WARS2: variants seen among roughly 807,000 people sequenced by gnomAD.
WARS2 encodes the protein tryptophanyl tRNA synthetase 2, mitochondrial.
WARS2 carries 28 observed loss-of-function variants against 36.5 expected under a neutral mutation model. The observed-to-expected ratio is 0.77, with a 90% CI of 0.57 to 1.05. WARS2 has a LOEUF of 1.05. WARS2 is among the 50% of genes least tolerant of loss of function. WARS2 has a pLI of 0.00. For synonymous variants in WARS2, 174 were observed against 178.4 expected (o/e 0.98, Z 0.20); for missense variants, 435 against 456.8 (o/e 0.95, Z 0.44).
intron 1 of WARS2, among the ~76,000 whole-genome samples, chr1:119,078,819 A>C (rs1651967699): frequency 6.6e-6 from 1 of 152,098 alleles, no homozygotes; most frequent in African/African-American, 2.4e-5. Context: ...AATTTTATGA[A>C]TCAGATATAT....
intron 1 of WARS2, chr1:119,082,311 T>A: frequency 1.0e-6 from 1 of 985,378 alleles, no homozygotes. Flanking sequence ...GAGTTACACA[T>A]CTATTTTCCT....
intron 1 of WARS2, among the ~76,000 whole-genome samples, chr1:119,111,425 G>A (rs1654628188): frequency 1.3e-5 from 2 of 152,146 alleles, no homozygotes; most frequent in Admixed American, 1.3e-4. Context: ...GGCTGGAAGA[G>A]GCTGAAGTTG....
chr1:119,042,212 A>G, intron 4 of WARS2, 52 bp downstream of exon 4: 1 of 1,566,322 alleles, frequency 6.4e-7, no homozygotes, highest in Non-Finnish European at 8.8e-7. Flanking sequence ...AGGTTAAAAC[A>G]CTCTCTTGTC....
intron 2 of WARS2, among the ~76,000 whole-genome samples, chr1:119,070,548 T>C (rs1213245541): frequency 6.6e-6 from 1 of 151,932 alleles, no homozygotes; most frequent in Non-Finnish European, 1.5e-5. Flanking sequence ...ATTACAGGTG[T>C]GAGCCACCAT....
upstream of WARS2, chr1:119,140,668 G>C (rs760338709): frequency 5.0e-6 from 8 of 1,604,880 alleles, no homozygotes; most frequent in Non-Finnish European, 6.8e-6. Context: ...GAGCCGTCTT[G>C]TTTGGAATGA....
At chr1:119,056,930 G>A (rs140025652) in intron 2 of WARS2, among the ~76,000 whole-genome samples, 484 of 152,180 alleles carry the variant, frequency 3.2e-3, no homozygotes, top group Admixed American at 6.7e-3. Context: ...GTAAGTATAC[G>A]TTTAACTTTG....
intron 2 of WARS2, among the ~76,000 whole-genome samples, chr1:119,061,469 T>C (rs1451991888): frequency 6.6e-6 from 1 of 151,852 alleles, no homozygotes; most frequent in African/African-American, 2.4e-5. Context: ...GGCAGAAGAG[T>C]CACTGAATGA....
intron 1 of WARS2, among the ~76,000 whole-genome samples, chr1:119,091,042 GATTT>G (rs1328868099): frequency 1.3e-5 from 2 of 152,158 alleles, no homozygotes; most frequent in Non-Finnish European, 2.9e-5. Flanking sequence ...AATGTTAAAT[GATTT>G]ATTAAGTTCA....
chr1:119,122,307 AATT>A (rs1281200227), intron 1 of WARS2, among the ~76,000 whole-genome samples: 1 of 152,144 alleles, frequency 6.6e-6, no homozygotes, highest in Non-Finnish European at 1.5e-5. Flanking sequence ...CAATATTACT[AATT>A]ATCAGCTAAA....
At chr1:119,073,270 A>T (rs1296733157) in intron 2 of WARS2, among the ~76,000 whole-genome samples, 1 of 151,998 alleles carries the variant, frequency 6.6e-6, no homozygotes, top group Non-Finnish European at 1.5e-5. Context: ...TTTTTTAAAT[A>T]TTTTTAAATA....
intron 1 of WARS2, among the ~76,000 whole-genome samples, chr1:119,080,401 GAAA>G (rs1056378115): frequency 6.6e-6 from 1 of 152,090 alleles, no homozygotes; most frequent in Non-Finnish European, 1.5e-5. Flanking sequence ...GAGACTGTGG[GAAA>G]AAAGTATTGT....
At chr1:119,071,370 A>G (rs1004101497) in intron 2 of WARS2, among the ~76,000 whole-genome samples, 7 of 152,184 alleles carry the variant, frequency 4.6e-5, no homozygotes, top group African/African-American at 1.4e-4. Flanking sequence ...GAAAATCAGT[A>G]TGTCAAAGAC....
intron 2 of WARS2, among the ~76,000 whole-genome samples, chr1:119,059,474 A>AT (rs1301479587): frequency 1.3e-5 from 2 of 152,014 alleles, no homozygotes; most frequent in African/African-American, 4.8e-5. Context: ...TCTTGAATTG[A>AT]TTTTTGTATA....
chr1:119,103,011 C>A (rs1571361216), intron 1 of WARS2, among the ~76,000 whole-genome samples: 1 of 152,318 alleles, frequency 6.6e-6, no homozygotes, highest in East Asian at 1.9e-4. Context: ...AAATGGGGAT[C>A]TAAAGCAGCA....
intron 1 of WARS2, among the ~76,000 whole-genome samples, chr1:119,112,113 G>A (rs1285500969): frequency 6.6e-6 from 1 of 152,022 alleles, no homozygotes; most frequent in Non-Finnish European, 1.5e-5. Flanking sequence ...GTAGAGACGG[G>A]GTTTCACCAT....
intron 1 of WARS2, chr1:119,086,021 G>T: frequency 6.5e-7 from 1 of 1,531,758 alleles, no homozygotes; most frequent in Non-Finnish European, 8.9e-7. Context: ...ACATACCCTG[G>T]CTAATTTTTT....
At chr1:119,140,498 G>A in intron 1 of WARS2, 57 bp downstream of exon 1, 1 of 1,520,210 alleles carries the variant, frequency 6.6e-7, no homozygotes, top group Non-Finnish European at 9.1e-7. Context: ...AGGGCAGTGG[G>A]ATGAGAAGAA....
At chr1:119,129,852 C>T (rs1293682495) in intron 1 of WARS2, among the ~76,000 whole-genome samples, 1 of 151,974 alleles carries the variant, frequency 6.6e-6, no homozygotes, top group Non-Finnish European at 1.5e-5. Flanking sequence ...CTTTCCTGAC[C>T]AACTACTATA....
intron 1 of WARS2, among the ~76,000 whole-genome samples, chr1:119,093,771 C>T (rs1653228911): frequency 6.6e-6 from 1 of 152,112 alleles, no homozygotes; most frequent in Non-Finnish European, 1.5e-5. Context: ...TTATGGCAGC[C>T]TTAGAAAACT....
Sources: gnomAD v4.1 joint callset for allele counts (sites outside exome capture counted in the v4.1 genomes callset) on GRCh38, gnomAD v4.1.1 for gene constraint, MANE v1.5 for transcripts, NCBI Gene and HGNC (gene_info 2026-07-23, HGNC 2026-07-21) for gene names.